PPP3CA: variants seen among roughly 807,000 people sequenced by gnomAD.
PPP3CA encodes the protein protein phosphatase 3 catalytic subunit alpha.
In PPP3CA, 14 loss-of-function variants were observed where a neutral mutation model predicts 66.5. The observed-to-expected ratio is 0.21, with a 90% CI of 0.14 to 0.33. PPP3CA has a LOEUF of 0.33. Ranked by LOEUF, PPP3CA falls within the 10% of genes least tolerant of loss-of-function variation. PPP3CA has a pLI of 1.00. For synonymous variants in PPP3CA, 232 were observed against 226.2 expected, an observed-to-expected ratio of 1.03 and a Z score of -0.23; for missense variants, 317 against 639.5, an observed-to-expected ratio of 0.50 and a Z score of 5.44.
intron 1 of PPP3CA, among the ~76,000 whole-genome samples, chr4:101,218,646 TTATG>T (rs1399575228): frequency 2.0e-5 from 3 of 152,054 alleles, no homozygotes; most frequent in Admixed American, 2.0e-4. Flanking sequence ...AGGAAAAAAA[TTATG>T]TATAATAACG....
At chr4:101,026,182 C>A in intron 13 of PPP3CA, 121 bp from the exon 14 acceptor site, 1 of 798,956 alleles carries the variant, frequency 1.3e-6, no homozygotes, top group Non-Finnish European at 1.9e-6. Context: ...CAGTGAAGAA[C>A]AAAGTGACGG....
chr4:101,114,469 T>C (rs1230968660), intron 2 of PPP3CA, among the ~76,000 whole-genome samples: 1 of 152,138 alleles, frequency 6.6e-6, no homozygotes, highest in Non-Finnish European at 1.5e-5. Flanking sequence ...TTAATCTATT[T>C]GGTGCAATTA....
At chr4:101,223,870 T>C (rs1725700922) in intron 1 of PPP3CA, among the ~76,000 whole-genome samples, 1 of 151,740 alleles carries the variant, frequency 6.6e-6, no homozygotes, top group Non-Finnish European at 1.5e-5. Flanking sequence ...AATATAAACA[T>C]CTCTTAAAAT....
At position 101,099,961 on chromosome 4, in the gene PPP3CA, G is replaced by T. The variant is rs114868751; in HGVS notation, c.385-239C>A. The stretch of plus-strand genomic sequence containing the variant: ...ACGCACTGAGGATCATATACCACAA[G>T]AAAACAATGGATTACATATGGTCAA... On this transcript the variant is annotated intron_variant, in intron 3 of 13. Coordinates refer to ENST00000394854, the MANE Select transcript of PPP3CA (RefSeq NM_000944.5). Among the ~76,000 whole-genome samples, 155 of 151,858 alleles carry T rather than the reference G, an allele frequency of 1.0e-3. 1 individual carries two copies. Among genetic ancestry groups the T allele is most frequent in the African/African-American group, 3.5e-3 (145 of 41,438 alleles).
At chr4:101,180,350 CAT>C (rs1724195480) in intron 2 of PPP3CA, among the ~76,000 whole-genome samples, 1 of 152,056 alleles carries the variant, frequency 6.6e-6, no homozygotes, top group African/African-American at 2.4e-5. Context: ...AAAGCTAAAA[CAT>C]AGCTATGGGT....
chr4:101,028,512 T>C (rs1388305420), intron 13 of PPP3CA, among the ~76,000 whole-genome samples: 1 of 152,208 alleles, frequency 6.6e-6, no homozygotes, highest in Non-Finnish European at 1.5e-5. Flanking sequence ...TGCTACTTGA[T>C]ACTCGCTATT....
chr4:101,107,583 T>G (rs777609456), intron 3 of PPP3CA, among the ~76,000 whole-genome samples: 6 of 152,238 alleles, frequency 3.9e-5, no homozygotes, highest in Non-Finnish European at 8.8e-5. Flanking sequence ...GATCTTTAAA[T>G]GCAGACGGTA....
intron 1 of PPP3CA, among the ~76,000 whole-genome samples, chr4:101,273,077 A>AT (rs1727381921): frequency 6.6e-6 from 1 of 152,166 alleles, no homozygotes; most frequent in Non-Finnish European, 1.5e-5. Context: ...AAGGACAAGA[A>AT]TTTTATAAAT....
Position 101,334,433 on chromosome 4 carries a change from C to T in PPP3CA, c.58+12306G>A, listed in dbSNP as rs569068628. On this transcript the variant is annotated intron_variant, in intron 1 of 13. Coordinates refer to ENST00000394854, the MANE Select transcript of PPP3CA (RefSeq NM_000944.5). ...ACAAGTGTGAGCCACCGCGCCCAAC[C>T]CCCGAGTGACAATTTCAAAGAGGCA... is the stretch of plus-strand genomic sequence containing the variant. Among the ~76,000 whole-genome samples the T allele has an allele frequency of 1.1e-4, 16 of 152,164 alleles. No individual in the cohort carries two copies. The South Asian group carries it at 3.3e-3, about 32-fold the overall frequency.
intron 8 of PPP3CA, among the ~76,000 whole-genome samples, chr4:101,068,939 ATTCTTCAGTATGGGAAAG>A (rs1728794999): frequency 6.6e-6 from 1 of 152,170 alleles, no homozygotes; most frequent in Non-Finnish European, 1.5e-5. Flanking sequence ...TGACCATGAT[ATTCTTCAGTATGGGAAAG>A]TTAATGTTTA....
At chr4:101,164,324 A>G (rs1468849442) in intron 2 of PPP3CA, among the ~76,000 whole-genome samples, 3 of 152,196 alleles carry the variant, frequency 2.0e-5, no homozygotes, top group South Asian at 2.1e-4. Flanking sequence ...TATTGGATTT[A>G]TTATGTTTTG....
At chr4:101,317,054 T>C (rs1256837058) in intron 1 of PPP3CA, among the ~76,000 whole-genome samples, 1 of 152,072 alleles carries the variant, frequency 6.6e-6, no homozygotes, top group Non-Finnish European at 1.5e-5. Flanking sequence ...CCATTCCCTA[T>C]GGCATTTACC....
chr4:101,232,883 C>G (rs911153600), intron 1 of PPP3CA, among the ~76,000 whole-genome samples: 1 of 151,546 alleles, frequency 6.6e-6, no homozygotes, highest in African/African-American at 2.4e-5. Context: ...ATTCTAACAA[C>G]AGAAAAAGAA....
At chr4:101,263,690 G>A (rs1365548802) in intron 1 of PPP3CA, among the ~76,000 whole-genome samples, 1 of 151,362 alleles carries the variant, frequency 6.6e-6, no homozygotes, top group African/African-American at 2.4e-5. Context: ...GTGCCGTGCT[G>A]ACCACTAGAA....
At chr4:101,136,170 C>G (rs1268745316) in intron 2 of PPP3CA, among the ~76,000 whole-genome samples, 1 of 152,052 alleles carries the variant, frequency 6.6e-6, no homozygotes, top group East Asian at 1.9e-4. Flanking sequence ...TAATATATTC[C>G]CAAATCTTCT....
intron 2 of PPP3CA, among the ~76,000 whole-genome samples, chr4:101,191,528 A>G (rs1188391465): frequency 6.6e-6 from 1 of 152,202 alleles, no homozygotes; most frequent in Non-Finnish European, 1.5e-5. Context: ...TGGCTGCAGG[A>G]CAGGCCCTAA....
intron 1 of PPP3CA, among the ~76,000 whole-genome samples, chr4:101,201,140 C>A: frequency 6.6e-6 from 1 of 152,240 alleles, no homozygotes; most frequent in Admixed American, 6.5e-5. Context: ...TTAATTCCAA[C>A]TATTTCTTTT....
At chr4:101,333,276 T>TTTTTG (rs1729500134) in intron 1 of PPP3CA, among the ~76,000 whole-genome samples, 1 of 33,726 alleles carries the variant, frequency 3.0e-5, no homozygotes, top group Non-Finnish European at 4.3e-5. Context: ...CCCAGTTTTT[T>TTTTTG]TTTTTTTTTT....
intron 10 of PPP3CA, among the ~76,000 whole-genome samples, chr4:101,057,313 T>C (rs1728269814): frequency 6.6e-6 from 1 of 152,162 alleles, no homozygotes; most frequent in South Asian, 2.1e-4. Context: ...GGCCTTGGCC[T>C]CCCAAAGTGC....
Sources: gnomAD v4.1 joint callset for allele counts (sites outside exome capture counted in the v4.1 genomes callset) on GRCh38, gnomAD v4.1.1 for gene constraint, MANE v1.5 for transcripts, NCBI Gene and HGNC (gene_info 2026-07-23, HGNC 2026-07-21) for gene names.